Variants in CCDC191 observed in about 807,000 individuals in gnomAD.
CCDC191 encodes coiled-coil domain containing 191, also known as coiled-coil domain-containing protein 191.
A neutral mutation model predicts 114.0 loss-of-function variants in CCDC191; 99 were observed. The ratio of observed to expected loss-of-function variants is 0.87; its 90% CI spans 0.74 to 1.03. The LOEUF (loss-of-function observed/expected upper bound fraction) is 1.03. CCDC191 is among the 50% of genes least tolerant of loss of function. CCDC191 has a pLI of 0.00. For synonymous variants in CCDC191, 351 were observed against 376.0 expected (o/e 0.93, Z 0.77); for missense variants, 973 against 1,087.0 (o/e 0.90, Z 1.47).
At chr3:113,978,543 G>A in intron 15 of CCDC191, 1 of 603,416 alleles carries the variant, frequency 1.7e-6, no homozygotes, top group Non-Finnish European at 2.9e-6. Flanking sequence ...ACAGTTATAA[G>A]ATTGAAGGGG....
intron 7 of CCDC191, among the ~76,000 whole-genome samples, chr3:114,027,877 T>C (rs1474668269): frequency 6.6e-6 from 1 of 152,156 alleles, no homozygotes; most frequent in African/African-American, 2.4e-5. Context: ...AGTATCCAAG[T>C]TTCATTACTC....
At chr3:113,996,336 GT>G (rs201017158) in intron 13 of CCDC191, among the ~76,000 whole-genome samples, 1,988 of 152,282 alleles carry the variant, frequency 0.013, 12 homozygotes, top group Non-Finnish European at 0.021. Context: ...AGGCTAGCCA[GT>G]TTTCCCAGCA....
intron 9 of CCDC191, among the ~76,000 whole-genome samples, chr3:114,006,502 G>A (rs896847511): frequency 6.7e-6 from 1 of 149,930 alleles, no homozygotes; most frequent in African/African-American, 2.5e-5. Flanking sequence ...ATTGCCATGG[G>A]CCAGGACATT....
chr3:114,053,992 A>G (rs969169216), intron 1 of CCDC191: 5 of 166,046 alleles, frequency 3.0e-5, no homozygotes, highest in East Asian at 1.6e-4. Flanking sequence ...AAAAAAAAAA[A>G]GCACTGATTA....
At chr3:113,989,117 C>T (rs1463187945) in intron 13 of CCDC191, among the ~76,000 whole-genome samples, 4 of 152,140 alleles carry the variant, frequency 2.6e-5, no homozygotes, top group East Asian at 3.9e-4. Flanking sequence ...TTTAAACATA[C>T]ATGCACCTAA....
At chr3:114,022,864 T>A (rs1011726419) in intron 7 of CCDC191, among the ~76,000 whole-genome samples, 1 of 152,042 alleles carries the variant, frequency 6.6e-6, no homozygotes, top group African/African-American at 2.4e-5. Flanking sequence ...GCCAGGGCAA[T>A]CAGGCAGGAG....
At chr3:113,976,978 G>GAATT (rs1288718818) in intron 16 of CCDC191, among the ~76,000 whole-genome samples, 1 of 152,128 alleles carries the variant, frequency 6.6e-6, no homozygotes, top group Non-Finnish European at 1.5e-5. Context: ...CAGTATCTGT[G>GAATT]AATTAAACAA....
intron 7 of CCDC191, among the ~76,000 whole-genome samples, chr3:114,025,929 C>T (rs986958833): frequency 1.3e-5 from 2 of 152,152 alleles, no homozygotes; most frequent in Admixed American, 6.6e-5. Flanking sequence ...AAGACAATGA[C>T]GTGATGTCTT....
intron 2 of CCDC191, among the ~76,000 whole-genome samples, chr3:114,049,786 G>C (rs978236719): frequency 6.6e-6 from 1 of 152,170 alleles, no homozygotes; most frequent in Non-Finnish European, 1.5e-5. Flanking sequence ...ATTTGTTTGT[G>C]TTAAAACATT....
At chr3:114,056,239 T>A (rs559833129) in intron 1 of CCDC191, 138 bp downstream of exon 1, 16 of 763,112 alleles carry the variant, frequency 2.1e-5, no homozygotes, top group Non-Finnish European at 3.6e-5. Flanking sequence ...AGGGTAATGC[T>A]GGCTTTGGGG....
At chr3:113,987,472 A>C (rs2075401412) in intron 13 of CCDC191, among the ~76,000 whole-genome samples, 1 of 152,232 alleles carries the variant, frequency 6.6e-6, no homozygotes, top group South Asian at 2.1e-4. Context: ...ATATGACATG[A>C]CAACAATACC....
At chr3:114,027,991 T>A (rs1041040383) in intron 7 of CCDC191, among the ~76,000 whole-genome samples, 7 of 152,192 alleles carry the variant, frequency 4.6e-5, no homozygotes, top group Non-Finnish European at 1.0e-4. Context: ...GACTGTCCTA[T>A]CTATAACCAA....
At chr3:114,045,642 T>A (rs2076619353) in intron 3 of CCDC191, among the ~76,000 whole-genome samples, 1 of 152,120 alleles carries the variant, frequency 6.6e-6, no homozygotes, top group Non-Finnish European at 1.5e-5. Context: ...TCCCCAGGCT[T>A]GGAAAGCCCT....
chr3:113,980,553 A>G (rs993570259), intron 14 of CCDC191, 97 bp downstream of exon 14: 11 of 1,163,816 alleles, frequency 9.5e-6, no homozygotes, highest in Non-Finnish European at 1.3e-5. Context: ...CTGGCTTTAA[A>G]TCACCAAACC....
Position 114,003,518 on chromosome 3 carries a change from T to C in CCDC191, c.1979-980A>G, listed in dbSNP as rs140834352. On this transcript the variant is annotated intron_variant, in intron 11 of 16. Transcript: ENST00000295878. ...AGTAAGAGACCCCTAAGAAGCAGAG[T>C]CTCTGGTAATATGCCCTTTGCCCAT... 7.5e-4 allele frequency: 742 copies of C among 985,196 alleles called. 4 individuals are homozygous for C. In the African/African-American group the frequency reaches 0.012, roughly 16 times the overall value. 61.0% of individuals were successfully genotyped at this position (985,196 alleles called of 1,614,324 possible). A position where few individuals can be genotyped will look rare whatever the true frequency, so the allele number is the denominator to read the frequency against.
intron 13 of CCDC191, among the ~76,000 whole-genome samples, 200 bp from the exon 14 acceptor site, chr3:113,980,993 G>T (rs982050429): frequency 1.3e-5 from 2 of 152,138 alleles, no homozygotes; most frequent in Admixed American, 6.6e-5. Context: ...CTGGTCATGA[G>T]TCTACAAGAA....
At chr3:113,968,644 G>T (rs1468239074) in intron 16 of CCDC191, among the ~76,000 whole-genome samples, 1 of 149,516 alleles carries the variant, frequency 6.7e-6, no homozygotes, top group Non-Finnish European at 1.5e-5. Flanking sequence ...TTTTTTGGTA[G>T]AGATGGGGTT....
At chr3:114,046,265 A>T (rs546235243) in intron 3 of CCDC191, among the ~76,000 whole-genome samples, 2 of 152,346 alleles carry the variant, frequency 1.3e-5, no homozygotes, top group East Asian at 3.9e-4. Context: ...TGATTTATAG[A>T]CTATAGTCAA....
chr3:114,043,154 G>C lies in CCDC191; in HGVS notation c.272-308C>G, dbSNP rs774156158. ...GCTTCACTGAGAAAAAGATATTTGA[G>C]CAAAGAAGGGAAGAAAGATAGAGAA... On this transcript the variant is annotated intron_variant, in intron 3 of 16. Transcript: ENST00000295878. Among the ~76,000 whole-genome samples, 28 of 152,206 alleles carry C rather than the reference G, an allele frequency of 1.8e-4. 1 individual carries two copies. Among genetic ancestry groups the C allele is most frequent in the Middle Eastern group, 6.8e-3 (2 of 294 alleles).
Sources: allele counts gnomAD v4.1 joint callset (sites outside exome capture counted in the v4.1 genomes callset), GRCh38; gene constraint gnomAD v4.1.1; transcripts MANE v1.5; gene names NCBI Gene and HGNC (gene_info 2026-07-23, HGNC 2026-07-21).